TLL2: variants seen among roughly 807,000 people sequenced by gnomAD.
TLL2 encodes tolloid like 2, also known as tolloid-like protein 2.
Under a neutral mutation model 123.0 loss-of-function variants are expected in TLL2, and 106 were observed. The observed-to-expected ratio is 0.86, with a 90% CI of 0.74 to 1.01. The LOEUF is 1.01. Ranked by LOEUF, TLL2 falls within the 50% of genes least tolerant of loss-of-function variation. TLL2 has a pLI of 0.00. For missense variants in TLL2, 1,332 were observed against 1,336.7 expected (o/e 1.00, Z 0.06); for synonymous variants, 494 against 516.8 (o/e 0.96, Z 0.60).
At chr10:96,369,023 C>T (rs1212576725) in intron 20 of TLL2, among the ~76,000 whole-genome samples, 1 of 152,166 alleles carries the variant, frequency 6.6e-6, no homozygotes, top group Non-Finnish European at 1.5e-5. Flanking sequence ...AATATAAATG[C>T]CAATTTGAGT....
At chr10:96,368,549 C>A (rs1229276289) in intron 20 of TLL2, among the ~76,000 whole-genome samples, 1 of 152,210 alleles carries the variant, frequency 6.6e-6, no homozygotes, top group Non-Finnish European at 1.5e-5. Flanking sequence ...AAGGCAGGTA[C>A]TATCCCCATT....
chr10:96,467,177 A>T (rs567584469), intron 2 of TLL2, among the ~76,000 whole-genome samples: 2 of 152,326 alleles, frequency 1.3e-5, no homozygotes, highest in South Asian at 2.1e-4. Context: ...TGCTAAGTTT[A>T]AAAATTTAGG....
At position 96,389,271 on chromosome 10, in the gene TLL2, C is replaced by T. The variant is rs71484214; in HGVS notation, c.1727-2193G>A. On this transcript the variant is annotated intron_variant, in intron 13 of 20. Coordinates refer to ENST00000357947, the MANE Select transcript of TLL2 (RefSeq NM_012465.4). ...ATAATATTTACTTTTAGGGTTGTGA[C>T]GACTGAAAACGATGCATGTGAAGTA... Among the ~76,000 whole-genome samples the T allele has an allele frequency of 5.3e-3, 811 of 152,244 alleles. 2 individuals carry two copies. Among genetic ancestry groups the T allele is most frequent in the Non-Finnish European group, 6.5e-3 (441 of 68,030 alleles).
intron 1 of TLL2, among the ~76,000 whole-genome samples, chr10:96,491,741 G>A (rs1367061984): frequency 6.6e-6 from 1 of 152,150 alleles, no homozygotes; most frequent in Non-Finnish European, 1.5e-5. Context: ...AATTGGCTGG[G>A]GTAGGGGAGA....
At chr10:96,390,009 G>A (rs1275612714) in intron 13 of TLL2, among the ~76,000 whole-genome samples, 1 of 152,246 alleles carries the variant, frequency 6.6e-6, no homozygotes, top group Non-Finnish European at 1.5e-5. Context: ...CAAGCCCACT[G>A]GCTCGTGCTT....
intron 10 of TLL2, among the ~76,000 whole-genome samples, chr10:96,402,380 G>T (rs1846405095): frequency 6.6e-6 from 1 of 152,220 alleles, no homozygotes; most frequent in Non-Finnish European, 1.5e-5. Context: ...GACCCAATTT[G>T]TGGGGATTCC....
chr10:96,489,967 G>A (rs1481261749), intron 1 of TLL2, among the ~76,000 whole-genome samples: 7 of 151,720 alleles, frequency 4.6e-5, no homozygotes, highest in African/African-American at 1.5e-4. Flanking sequence ...GTGGTTGTGC[G>A]CGCCTGTAGT....
chr10:96,457,631 G>A (rs1299123966), intron 2 of TLL2, among the ~76,000 whole-genome samples: 3 of 152,162 alleles, frequency 2.0e-5, no homozygotes, highest in African/African-American at 7.2e-5. Context: ...AAGTTTCTAA[G>A]CGGGGTGCTT....
At chr10:96,438,466 A>G (rs1275996206) in intron 3 of TLL2, among the ~76,000 whole-genome samples, 5 of 152,236 alleles carry the variant, frequency 3.3e-5, no homozygotes, top group South Asian at 2.1e-4. Context: ...TATATTTCCA[A>G]TATAGAAATG....
intron 2 of TLL2, among the ~76,000 whole-genome samples, chr10:96,461,434 G>A (rs1285977053): frequency 6.6e-6 from 1 of 152,122 alleles, no homozygotes; most frequent in Non-Finnish European, 1.5e-5. Flanking sequence ...TGCGGATGAG[G>A]GCAGCCTACA....
intron 13 of TLL2, among the ~76,000 whole-genome samples, chr10:96,388,188 G>T (rs538149174): frequency 3.9e-5 from 6 of 152,108 alleles, no homozygotes; most frequent in Non-Finnish European, 7.4e-5. Context: ...TGGATCACAA[G>T]GTCACAAGTT....
intron 1 of TLL2, among the ~76,000 whole-genome samples, chr10:96,512,747 C>G (rs1042943975): frequency 2.6e-5 from 4 of 152,266 alleles, no homozygotes; most frequent in African/African-American, 9.6e-5. Flanking sequence ...CGGAGGCTAA[C>G]GCTTCAACGA....
chr10:96,365,514 C>T lies in TLL2; in HGVS notation c.*2574G>A, dbSNP rs1846016159. Reference sequence around the variant, plus strand: ...ATTCTCTGAACTAAAACTATTCTTGCAACTCACTGTCATCCCCAAAGCTTG... The same window carrying T: ...ATTCTCTGAACTAAAACTATTCTTGTAACTCACTGTCATCCCCAAAGCTTG... On this transcript the variant is annotated 3_prime_UTR_variant, in exon 21 of 21. Transcript: ENST00000357947. The T allele has an allele frequency of 6.6e-6, 1 of 152,262 alleles. No individual in the cohort carries two copies. The highest frequency in any genetic ancestry group is 6.5e-5 in the Admixed American group (1 of 15,290). The allele number at this position is 152,262 out of a possible 1,614,324, so 9.4% of individuals were successfully genotyped here.
chr10:96,481,857 A>T (rs929105170), intron 1 of TLL2, among the ~76,000 whole-genome samples: 1 of 152,238 alleles, frequency 6.6e-6, no homozygotes, highest in South Asian at 2.1e-4. Flanking sequence ...ACCTATCCTC[A>T]TAACTACAGA....
intron 1 of TLL2, among the ~76,000 whole-genome samples, chr10:96,512,704 T>G (rs1847643205): frequency 6.6e-6 from 1 of 152,210 alleles, no homozygotes; most frequent in South Asian, 2.1e-4. Flanking sequence ...TGCCCCACAC[T>G]CATCAGCTTG....
chr10:96,422,396 T>C (rs1405500165), intron 6 of TLL2, among the ~76,000 whole-genome samples, 153 bp downstream of exon 6: 1 of 152,204 alleles, frequency 6.6e-6, no homozygotes, highest in South Asian at 2.1e-4. Flanking sequence ...GTGGTCAGAC[T>C]GGTGAGACGG....
chr10:96,382,074 CT>C lies in TLL2; in HGVS notation c.2194+2512del, dbSNP rs554760534. ...TTGAAACACTATTATGAATTTCTTTCTTTTTTTTTTTGAGACGGCATCTTGC... is the reference window on the plus strand; with the variant it reads ...TTGAAACACTATTATGAATTTCTTTCTTTTTTTTTTGAGACGGCATCTTGC... On this transcript the variant is annotated intron_variant, in intron 16 of 20. Coordinates refer to ENST00000357947, the MANE Select transcript of TLL2 (RefSeq NM_012465.4). Among the ~76,000 whole-genome samples, 1,083 of 148,360 alleles carry C rather than the reference CT, an allele frequency of 7.3e-3. 47 individuals are homozygous for C. Among genetic ancestry groups the C allele is most frequent in the Admixed American group, 0.05 (750 of 14,966 alleles).
chr10:96,424,953 T>A (rs1395991476), intron 5 of TLL2, among the ~76,000 whole-genome samples: 2 of 151,776 alleles, frequency 1.3e-5, no homozygotes, highest in Non-Finnish European at 2.9e-5. Flanking sequence ...AATACTTACA[T>A]CTTTGATCTA....
chr10:96,458,197 G>A (rs2134092730), intron 2 of TLL2, among the ~76,000 whole-genome samples: 1 of 152,198 alleles, frequency 6.6e-6, no homozygotes, highest in East Asian at 1.9e-4. Flanking sequence ...TAGGTGATGA[G>A]ACAACCACTA....
Sources: gnomAD v4.1 joint callset for allele counts (sites outside exome capture counted in the v4.1 genomes callset) on GRCh38, gnomAD v4.1.1 for gene constraint, MANE v1.5 for transcripts, NCBI Gene and HGNC (gene_info 2026-07-23, HGNC 2026-07-21) for gene names.